The following LCK variants were observed in gnomAD, a reference collection of about 807,000 sequenced individuals.
LCK encodes the protein LCK proto-oncogene, Src family tyrosine kinase.
In LCK, 14 loss-of-function variants were observed where a neutral mutation model predicts 64.6. That is an observed-to-expected ratio of 0.22 (90% CI 0.14 to 0.34). The LOEUF is 0.34. Among genes scored for constraint, LCK ranks in the 10% least tolerant of loss-of-function variants. LCK has a pLI of 1.00. For missense variants in LCK, 434 were observed against 668.1 expected, an observed-to-expected ratio of 0.65 and a Z score of 3.86; for synonymous variants, 277 against 263.6, an observed-to-expected ratio of 1.05 and a Z score of -0.49.
chr1:32,282,533 C>T (rs368694439), intron 12 of LCK, among the ~76,000 whole-genome samples: 3 of 152,084 alleles, frequency 2.0e-5, no homozygotes, highest in East Asian at 1.9e-4. Context: ...GGGCTGGGCA[C>T]GGTGACTCAC....
intron 1 of LCK, among the ~76,000 whole-genome samples, chr1:32,271,314 C>G (rs1640074393): frequency 6.6e-6 from 1 of 152,172 alleles, no homozygotes; most frequent in Non-Finnish European, 1.5e-5. Context: ...GCAACTCCAG[C>G]TTTGCTCTAC....
At chr1:32,280,508 T>TG (rs1371492194) in intron 12 of LCK, among the ~76,000 whole-genome samples, 1 of 133,390 alleles carries the variant, frequency 7.5e-6, no homozygotes, top group African/African-American at 2.9e-5. Flanking sequence ...CAGGCTGGGG[T>TG]GCAGTGGCGC....
chr1:32,254,336 T>A (rs1196751355), intron 1 of LCK, among the ~76,000 whole-genome samples: 1 of 152,030 alleles, frequency 6.6e-6, no homozygotes, highest in Non-Finnish European at 1.5e-5. Context: ...CTGGCCATCA[T>A]GGTGAATCCC....
In LCK at chr1:32,276,308, C is replaced by T. The variant is rs748781059; in HGVS notation, c.632-29C>T. 1 of 1,533,020 alleles carries T rather than the reference C, an allele frequency of 6.5e-7. No homozygotes were observed. Among genetic ancestry groups the T allele is most frequent in the East Asian group, 2.3e-5 (1 of 44,244 alleles). The allele number at this position is 1,533,020 out of a possible 1,614,324, so 95.0% of individuals were successfully genotyped here. On this transcript the variant is annotated intron_variant, in intron 7 of 12. Transcript: ENST00000336890. The surrounding 1 kb of genome is among the most constrained non-coding windows in gnomAD (Gnocchi z 4.6). ...GTCAATACGAGGCCTGCCCTATTGA[C>T]AGCCTTCACCCCTCCCTCGTCCTCG...
At position 32,276,159 on chromosome 1, in the gene LCK, A is replaced by T; in HGVS notation, c.631+96A>T. Reference sequence around the variant, plus strand: ...CATCCATCTTTCAATGCCCTACTCCATTCCCCGCAGTGGGTGAGGTGTGGA... The same window carrying T: ...CATCCATCTTTCAATGCCCTACTCCTTTCCCCGCAGTGGGTGAGGTGTGGA... On this transcript the variant is annotated intron_variant, in intron 7 of 12. Coordinates refer to ENST00000336890, the MANE Select transcript of LCK (RefSeq NM_005356.5). This position sits in a 1 kb window ranked among gnomAD's most constrained non-coding sequence, Gnocchi z 4.6. 1 of 1,501,126 alleles carries T rather than the reference A, an allele frequency of 6.7e-7. No homozygotes were observed. Among genetic ancestry groups the T allele is most frequent in the Non-Finnish European group, 9.1e-7 (1 of 1,095,954 alleles). The allele number at this position is 1,501,126 out of a possible 1,614,324, so 93.0% of individuals were successfully genotyped here. A position where few individuals can be genotyped will look rare whatever the true frequency, so the allele number is the denominator to read the frequency against.
At chr1:32,253,815 A>G (rs1216395753) in intron 1 of LCK, among the ~76,000 whole-genome samples, 1 of 151,866 alleles carries the variant, frequency 6.6e-6, no homozygotes, top group Non-Finnish European at 1.5e-5. Context: ...CATGGGATCT[A>G]CTTTAGAAGA....
At chr1:32,277,765 GC>G (rs1339633579) in intron 9 of LCK, among the ~76,000 whole-genome samples, 1 of 152,170 alleles carries the variant, frequency 6.6e-6, no homozygotes, top group Non-Finnish European at 1.5e-5. Context: ...TGATTTTATG[GC>G]TTTGTGATAA....
rs1361332932 is a variant in LCK, at chr1:32,276,092, C to A, written c.631+29C>A. On this transcript the variant is annotated intron_variant, in intron 7 of 12. Coordinates refer to ENST00000336890, the MANE Select transcript of LCK (RefSeq NM_005356.5). The surrounding 1 kb of genome is among the most constrained non-coding windows in gnomAD (Gnocchi z 4.6). ...AGCCCGACGGGACCCCTCCCCCGTG[C>A]CCTATCAGCCTATCTCCCCTCAGTC... is the stretch of plus-strand genomic sequence containing the variant. 6.1e-5 allele frequency: 99 copies of A among 1,612,034 alleles called. No homozygotes were observed. Among genetic ancestry groups the A allele is most frequent in the Non-Finnish European group, 7.6e-5 (90 of 1,179,044 alleles).
At chr1:32,272,914 CTGTG>C (rs751636162) in intron 1 of LCK, among the ~76,000 whole-genome samples, 17 of 128,824 alleles carry the variant, frequency 1.3e-4, no homozygotes, top group African/African-American at 1.9e-4. Flanking sequence ...GTGGAGGTGC[CTGTG>C]TGTGTGTATG....
At chr1:32,282,576 T>A (rs1455896667) in intron 12 of LCK, among the ~76,000 whole-genome samples, 1 of 151,848 alleles carries the variant, frequency 6.6e-6, no homozygotes, top group South Asian at 2.1e-4. Context: ...GAAGCTGAGG[T>A]GGGTGGATCA....
intron 1 of LCK, among the ~76,000 whole-genome samples, chr1:32,257,246 T>TG (rs1462078003): frequency 2.0e-5 from 3 of 151,200 alleles, no homozygotes; most frequent in African/African-American, 7.3e-5. Flanking sequence ...TTTTTTTTTT[T>TG]TTTGTTTTTT....
chr1:32,285,483 C>A, intron 12 of LCK, 31 bp from the exon 13 acceptor site: 1 of 1,598,996 alleles, frequency 6.3e-7, no homozygotes, highest in Non-Finnish European at 8.6e-7. Context: ...CAGTGCCTGA[C>A]CTTGATGTCC....
chr1:32,273,246 TGTGA>T lies in LCK; in HGVS notation c.-5-1075_-5-1072del, dbSNP rs376616031. On this transcript the variant is annotated intron_variant, in intron 1 of 12. Transcript: ENST00000336890. ...CTGTGTGTGGGAGGGTGAGTCTGTGTGTGAGTGTGTGGGGGAGTACCTGTGAGGG... is the reference window on the plus strand; with the variant it reads ...CTGTGTGTGGGAGGGTGAGTCTGTGTGTGTGTGGGGGAGTACCTGTGAGGG... Among the ~76,000 whole-genome samples, 27 of 146,664 alleles carry T rather than the reference TGTGA, an allele frequency of 1.8e-4. No homozygotes were observed. The East Asian group carries it at 4.6e-3, about 25-fold the overall frequency.
intron 1 of LCK, among the ~76,000 whole-genome samples, chr1:32,270,550 ATG>A (rs1640051429): frequency 6.8e-6 from 1 of 147,194 alleles, no homozygotes; most frequent in Non-Finnish European, 1.5e-5. Context: ...GTGTGCCACC[ATG>A]CCTGGCTAAT....
chr1:32,264,996 C>T (rs1410778951), intron 1 of LCK, among the ~76,000 whole-genome samples: 1 of 152,042 alleles, frequency 6.6e-6, no homozygotes. Context: ...CACCTGAGGT[C>T]AGGAGTTCAA....
intron 1 of LCK, among the ~76,000 whole-genome samples, chr1:32,257,821 A>G (rs1188479905): frequency 1.3e-5 from 2 of 152,162 alleles, no homozygotes; most frequent in African/African-American, 2.4e-5. Flanking sequence ...TAAAATACCA[A>G]TTAGAATAAT....
chr1:32,275,243 A>C lies in LCK; in HGVS notation c.279-78A>C. 6.6e-7 allele frequency: 1 copy of C among 1,524,188 alleles called. No homozygotes were observed. The highest frequency in any genetic ancestry group is 9.1e-7 in the Non-Finnish European group (1 of 1,100,062). The allele number at this position is 1,524,188 out of a possible 1,614,324, so 94.4% of individuals were successfully genotyped here. ...AGCCAGGGTTGGGGGAGGCTGGCTT[A>C]AGGGGTGGAGGGGTCTTTGAGGGAG... On this transcript the variant is annotated intron_variant, in intron 4 of 12. Coordinates refer to ENST00000336890, the MANE Select transcript of LCK (RefSeq NM_005356.5). This position sits in a 1 kb window ranked among gnomAD's most constrained non-coding sequence, Gnocchi z 6.9.
chr1:32,264,799 C>T lies in LCK; in HGVS notation c.-5-9526C>T, dbSNP rs149559954. 2.0e-3 allele frequency among the ~76,000 whole-genome samples: 308 copies of T among 152,156 alleles called. 1 individual carries two copies. The highest frequency in any genetic ancestry group is 6.9e-3 in the African/African-American group (285 of 41,566). On this transcript the variant is annotated intron_variant, in intron 1 of 12. Transcript: ENST00000336890. ...TTTTAATAGAGAAAGGGTCTCACCA[C>T]GTTGCCCAGGCTGGTCTCAAACTCC...
intron 9 of LCK, among the ~76,000 whole-genome samples, chr1:32,279,253 AT>A (rs1223169823): frequency 7.2e-5 from 11 of 152,068 alleles, no homozygotes; most frequent in Non-Finnish European, 1.3e-4. Flanking sequence ...GAAAAGTAGA[AT>A]TTTTTTTAGC....
Sources: gnomAD v4.1 joint callset for allele counts (sites outside exome capture counted in the v4.1 genomes callset) on GRCh38, gnomAD v4.1.1 for gene constraint, Gnocchi (gnomAD v3.1) non-coding constraint, MANE v1.5 for transcripts, NCBI Gene and HGNC (gene_info 2026-07-23, HGNC 2026-07-21) for gene names.